Variants in CACNA2D3 observed in about 807,000 individuals in gnomAD.
CACNA2D3 encodes the protein calcium voltage-gated channel auxiliary subunit alpha2delta 3.
In CACNA2D3, 60 loss-of-function variants were observed where a neutral mutation model predicts 160.6. That is an observed-to-expected ratio of 0.37 (90% CI 0.30 to 0.46). CACNA2D3 has a LOEUF of 0.46. Ranked by LOEUF, CACNA2D3 falls within the 20% of genes least tolerant of loss-of-function variation. The pLI, the probability that CACNA2D3 is intolerant of heterozygous loss-of-function variation, is 1.00. For missense variants in CACNA2D3, 1,205 were observed against 1,365.0 expected (o/e 0.88, Z 1.85); for synonymous variants, 558 against 492.9 (o/e 1.13, Z -1.75).
chr3:54,660,751 C>T (rs1266205828), intron 11 of CACNA2D3, among the ~76,000 whole-genome samples: 1 of 152,192 alleles, frequency 6.6e-6, no homozygotes, highest in African/African-American at 2.4e-5. Context: ...ACGCCAGGCC[C>T]TGGCTCCTCT....
intron 2 of CACNA2D3, among the ~76,000 whole-genome samples, chr3:54,193,013 A>G (rs901727147): frequency 6.6e-6 from 1 of 152,192 alleles, no homozygotes; most frequent in Non-Finnish European, 1.5e-5. Context: ...TGAGGAGGCT[A>G]TTCATGATTA....
chr3:54,840,722 T>A (rs901147485), intron 16 of CACNA2D3, among the ~76,000 whole-genome samples: 1 of 142,208 alleles, frequency 7.0e-6, no homozygotes, highest in African/African-American at 2.6e-5. Flanking sequence ...AGCCATGATT[T>A]TTTTTTTTTT....
chr3:54,435,120 G>C (rs1036669952), intron 4 of CACNA2D3, among the ~76,000 whole-genome samples: 1 of 152,088 alleles, frequency 6.6e-6, no homozygotes, highest in African/African-American at 2.4e-5. Context: ...CCCAGCCCCA[G>C]TGTGAGTGGG....
intron 4 of CACNA2D3, among the ~76,000 whole-genome samples, chr3:54,391,593 C>T (rs1288871102): frequency 6.6e-6 from 1 of 151,842 alleles, no homozygotes; most frequent in African/African-American, 2.4e-5. Context: ...TCACTATAAC[C>T]TGCGCCTCCC....
intron 4 of CACNA2D3, among the ~76,000 whole-genome samples, chr3:54,496,926 A>G (rs1391228999): frequency 1.3e-5 from 2 of 152,114 alleles, no homozygotes; most frequent in South Asian, 2.1e-4. Flanking sequence ...AATTGACCAT[A>G]TATGTGCAGC....
chr3:54,660,776 G>C (rs748525788), intron 11 of CACNA2D3, among the ~76,000 whole-genome samples: 11 of 152,086 alleles, frequency 7.2e-5, no homozygotes, highest in Non-Finnish European at 1.2e-4. Flanking sequence ...CCCTTCTCTC[G>C]GCCCAGAGCC....
At chr3:54,255,499 G>A (rs1026900098) in intron 2 of CACNA2D3, among the ~76,000 whole-genome samples, 6 of 152,174 alleles carry the variant, frequency 3.9e-5, no homozygotes, top group African/African-American at 1.4e-4. Context: ...AGAATTTGGT[G>A]TATGATCATC....
chr3:54,847,675 A>G (rs78478378), intron 17 of CACNA2D3, among the ~76,000 whole-genome samples: 2,032 of 152,362 alleles, frequency 0.013, 53 homozygotes, highest in African/African-American at 0.046. Context: ...TTTATCAGAA[A>G]AGGACTGAAT....
chr3:54,800,986 C>CTTTTTTTTTTTTTT (rs541320556), intron 13 of CACNA2D3, among the ~76,000 whole-genome samples: 1 of 140,758 alleles, frequency 7.1e-6, no homozygotes. Context: ...ACTGGAATAT[C>CTTTTTTTTTTTTTT]TTTTTTTTTT....
chr3:54,158,370 A>G (rs965233452), intron 2 of CACNA2D3, among the ~76,000 whole-genome samples: 10 of 152,156 alleles, frequency 6.6e-5, no homozygotes, highest in African/African-American at 1.2e-4. Flanking sequence ...TTTGAACAGT[A>G]TAACCAGGGT....
intron 4 of CACNA2D3, 92 bp downstream of exon 4, chr3:54,386,866 T>G: frequency 8.3e-7 from 1 of 1,208,386 alleles, no homozygotes; most frequent in Non-Finnish European, 1.2e-6. Flanking sequence ...TTTTCAGTGA[T>G]TGGGAGGGAG....
chr3:54,421,722 G>A (rs190654982), intron 4 of CACNA2D3, among the ~76,000 whole-genome samples: 99 of 152,238 alleles, frequency 6.5e-4, no homozygotes, highest in African/African-American at 2.3e-3. Flanking sequence ...GCATGTTGAC[G>A]ATAAGAATTT....
intron 2 of CACNA2D3, among the ~76,000 whole-genome samples, chr3:54,310,823 C>G (rs753620295): frequency 2.0e-5 from 3 of 152,198 alleles, no homozygotes; most frequent in Non-Finnish European, 4.4e-5. Flanking sequence ...CACTTCACAT[C>G]ATTTGATCAT....
At chr3:54,170,006 G>A (rs541390728) in intron 2 of CACNA2D3, among the ~76,000 whole-genome samples, 1 of 152,062 alleles carries the variant, frequency 6.6e-6, no homozygotes, top group South Asian at 2.1e-4. Context: ...TGGCCAACAT[G>A]GTGAAACTCC....
At chr3:54,234,389 G>A (rs1476189756) in intron 2 of CACNA2D3, among the ~76,000 whole-genome samples, 1 of 152,136 alleles carries the variant, frequency 6.6e-6, no homozygotes, top group Non-Finnish European at 1.5e-5. Flanking sequence ...AGAAAAGGAA[G>A]CACTTATACA....
chr3:55,040,261 A>C (rs780561697), intron 35 of CACNA2D3, among the ~76,000 whole-genome samples: 1 of 152,188 alleles, frequency 6.6e-6, no homozygotes, highest in Non-Finnish European at 1.5e-5. Flanking sequence ...ATCACATTGC[A>C]GGTAAGAGTT....
intron 3 of CACNA2D3, among the ~76,000 whole-genome samples, chr3:54,369,899 C>A (rs1398339552): frequency 6.6e-6 from 1 of 152,194 alleles, no homozygotes; most frequent in Non-Finnish European, 1.5e-5. Context: ...TCCTACAGTG[C>A]AGACTGCGAT....
intron 2 of CACNA2D3, among the ~76,000 whole-genome samples, chr3:54,229,041 G>A (rs75873406): frequency 0.018 from 2,789 of 152,268 alleles, 120 homozygotes; most frequent in East Asian, 0.14. Flanking sequence ...GAATGCATAC[G>A]TTTCCTAAAC....
intron 2 of CACNA2D3, among the ~76,000 whole-genome samples, chr3:54,284,543 T>C (rs1702961171): frequency 6.6e-6 from 1 of 152,154 alleles, no homozygotes; most frequent in Non-Finnish European, 1.5e-5. Flanking sequence ...AAATTCAATC[T>C]ACTAAAGGAA....
Sources: gnomAD v4.1 joint callset for allele counts (sites outside exome capture counted in the v4.1 genomes callset) on GRCh38, gnomAD v4.1.1 for gene constraint, MANE v1.5 for transcripts, NCBI Gene and HGNC (gene_info 2026-07-23, HGNC 2026-07-21) for gene names.